CNTN5: variants seen among roughly 807,000 people sequenced by gnomAD.
The protein encoded by CNTN5 is contactin-5.
Under a neutral mutation model 129.1 loss-of-function variants are expected in CNTN5, and 77 were observed. The ratio of observed to expected loss-of-function variants is 0.60; its 90% confidence interval spans 0.50 to 0.72. The LOEUF (loss-of-function observed/expected upper bound fraction) is 0.72. Ranked by LOEUF, CNTN5 falls within the 30% of genes least tolerant of loss-of-function variation. CNTN5 has a pLI of 0.00. For missense variants in CNTN5, 1,478 were observed against 1,328.8 expected (o/e 1.11, Z -1.75); for synonymous variants, 509 against 465.6 (o/e 1.09, Z -1.20).
At chr11:99,480,628 C>A (rs1210753487) in intron 2 of CNTN5, among the ~76,000 whole-genome samples, 1 of 152,182 alleles carries the variant, frequency 6.6e-6, no homozygotes, top group African/African-American at 2.4e-5. Flanking sequence ...CTTTGCTTTA[C>A]AACCTGTTTC....
At chr11:99,443,588 A>C (rs1171408723) in intron 2 of CNTN5, among the ~76,000 whole-genome samples, 2 of 152,206 alleles carry the variant, frequency 1.3e-5, no homozygotes, top group African/African-American at 4.8e-5. Context: ...ATAAATATTT[A>C]ATAGCAATGG....
At chr11:100,264,229 T>G (rs551224513) in intron 17 of CNTN5, among the ~76,000 whole-genome samples, 2 of 152,246 alleles carry the variant, frequency 1.3e-5, no homozygotes, top group South Asian at 4.1e-4. Context: ...ATTTTTAAAT[T>G]TTTATTTTAC....
At chr11:99,967,695 A>T (rs915223951) in intron 8 of CNTN5, among the ~76,000 whole-genome samples, 1 of 151,900 alleles carries the variant, frequency 6.6e-6, no homozygotes, top group Admixed American at 6.6e-5. Flanking sequence ...ACCACATCTA[A>T]TTTTTCCGAG....
chr11:100,207,088 A>G (rs1948930691), intron 15 of CNTN5, among the ~76,000 whole-genome samples: 1 of 152,140 alleles, frequency 6.6e-6, no homozygotes, highest in South Asian at 2.1e-4. Flanking sequence ...GTTGAATAAG[A>G]CCAGGCCAGT....
intron 4 of CNTN5, among the ~76,000 whole-genome samples, chr11:99,835,060 A>C (rs180940170): frequency 4.1e-4 from 63 of 152,280 alleles, no homozygotes; most frequent in African/African-American, 1.5e-3. Flanking sequence ...ACTCCTTTCA[A>C]AAAGTTTATG....
chr11:100,056,473 G>A (rs1343355515), intron 9 of CNTN5, among the ~76,000 whole-genome samples: 3 of 151,550 alleles, frequency 2.0e-5, no homozygotes, highest in Non-Finnish European at 3.0e-5. Context: ...CAATGAGCGT[G>A]AGGTTAATGG....
intron 2 of CNTN5, among the ~76,000 whole-genome samples, chr11:99,351,724 A>G (rs1332632894): frequency 6.6e-6 from 1 of 152,222 alleles, no homozygotes; most frequent in Non-Finnish European, 1.5e-5. Context: ...TATATAAATC[A>G]AATTTGAAAA....
At chr11:100,111,245 T>C (rs998549826) in intron 13 of CNTN5, among the ~76,000 whole-genome samples, 1 of 152,174 alleles carries the variant, frequency 6.6e-6, no homozygotes, top group African/African-American at 2.4e-5. Context: ...GTATAGATAT[T>C]GTTTTAAAAC....
chr11:99,050,166 C>T (rs186054796), intron 1 of CNTN5, among the ~76,000 whole-genome samples: 4 of 152,008 alleles, frequency 2.6e-5, no homozygotes, highest in East Asian at 1.9e-4. Context: ...TCTTGAGTAT[C>T]GAGAATTACT....
At position 99,602,756 on chromosome 11, in the gene CNTN5, C is replaced by T. The variant is rs576133952; in HGVS notation, c.55+46487C>T. ...CAGCACGCAGCTGGAGATCTGAGAA[C>T]GGGCAGACTGCCTCCTCAAGTGGGT... On this transcript the variant is annotated intron_variant, in intron 3 of 24. Coordinates refer to ENST00000524871, the MANE Select transcript of CNTN5 (RefSeq NM_014361.4). Among the ~76,000 whole-genome samples, 474 of 150,822 alleles carry T rather than the reference C, an allele frequency of 3.1e-3. 1 individual carries two copies. Among genetic ancestry groups the T allele is most frequent in the Middle Eastern group, 6.8e-3 (2 of 294 alleles).
chr11:100,123,216 A>C (rs1304254498), intron 13 of CNTN5, among the ~76,000 whole-genome samples: 1 of 152,012 alleles, frequency 6.6e-6, no homozygotes, highest in Non-Finnish European at 1.5e-5. Context: ...TTTGTGAAAT[A>C]GTATAAATAA....
chr11:99,180,526 G>A (rs777111466), intron 1 of CNTN5, among the ~76,000 whole-genome samples: 34 of 152,262 alleles, frequency 2.2e-4, no homozygotes, highest in Admixed American at 1.7e-3. Flanking sequence ...ATTGTTTTCC[G>A]ATAACTAACA....
chr11:99,046,807 A>G (rs1233662923), intron 1 of CNTN5, among the ~76,000 whole-genome samples: 3 of 152,128 alleles, frequency 2.0e-5, no homozygotes, highest in African/African-American at 7.2e-5. Flanking sequence ...ACATCTTACT[A>G]ATAATGCAAT....
chr11:99,311,908 A>G (rs764538787), intron 1 of CNTN5, among the ~76,000 whole-genome samples: 1 of 152,144 alleles, frequency 6.6e-6, no homozygotes, highest in African/African-American at 2.4e-5. Flanking sequence ...AGGCCTGTTT[A>G]CTATCTACAG....
At chr11:100,106,269 A>C (rs1264461452) in intron 13 of CNTN5, among the ~76,000 whole-genome samples, 1 of 152,202 alleles carries the variant, frequency 6.6e-6, no homozygotes, top group African/African-American at 2.4e-5. Flanking sequence ...TCAGAGAATA[A>C]GGGCCACTAA....
At chr11:99,248,274 C>T (rs1245177859) in intron 1 of CNTN5, among the ~76,000 whole-genome samples, 1 of 152,130 alleles carries the variant, frequency 6.6e-6, no homozygotes, top group Non-Finnish European at 1.5e-5. Context: ...TGAGAAGTGT[C>T]TGTTCATATC....
chr11:99,413,144 A>G (rs1351697091), intron 2 of CNTN5, among the ~76,000 whole-genome samples: 1 of 152,178 alleles, frequency 6.6e-6, no homozygotes, highest in Non-Finnish European at 1.5e-5. Flanking sequence ...AAATTAATCT[A>G]CATCAAAGCA....
chr11:99,455,961 C>A (rs1944482373), intron 2 of CNTN5, among the ~76,000 whole-genome samples: 1 of 151,910 alleles, frequency 6.6e-6, no homozygotes, highest in African/African-American at 2.4e-5. Context: ...TACCTATTGC[C>A]CATAAGTAGT....
At chr11:100,253,590 T>C (rs2138719204) in intron 16 of CNTN5, among the ~76,000 whole-genome samples, 1 of 152,240 alleles carries the variant, frequency 6.6e-6, no homozygotes, top group Admixed American at 6.5e-5. Context: ...ATTATTATAG[T>C]TAATATTCTT....
Sources: allele counts gnomAD v4.1 joint callset (sites outside exome capture counted in the v4.1 genomes callset), GRCh38; gene constraint gnomAD v4.1.1; transcripts MANE v1.5; gene names NCBI Gene and HGNC (gene_info 2026-07-23, HGNC 2026-07-21).